Variants in SIPA1L3 observed in about 807,000 individuals in gnomAD.
SIPA1L3 encodes signal-induced proliferation-associated 1-like protein 3.
SIPA1L3 carries 59 observed loss-of-function variants against 150.1 expected under a neutral mutation model. The ratio of observed to expected loss-of-function variants is 0.39; its 90% confidence interval spans 0.32 to 0.49. The LOEUF (loss-of-function observed/expected upper bound fraction) is 0.49, where lower values mean the gene tolerates loss of function less well. SIPA1L3 is among the 20% of genes least tolerant of loss of function. The probability of loss-of-function intolerance (pLI) is 0.86; values close to 1 mark genes in which losing one functional copy is unlikely to be tolerated. For missense variants in SIPA1L3, 2,211 were observed against 2,489.5 expected, an observed-to-expected ratio of 0.89 and a Z score of 2.38; for synonymous variants, 1,070 against 1,077.6, an observed-to-expected ratio of 0.99 and a Z score of 0.14.
chr19:38,068,970 A>G (rs1008048254), intron 2 of SIPA1L3, among the ~76,000 whole-genome samples: 2 of 152,202 alleles, frequency 1.3e-5, no homozygotes, highest in African/African-American at 4.8e-5. Flanking sequence ...GCATCAGGAG[A>G]GCTCATCAGT....
At chr19:37,909,367 G>A (rs916163605) in intron 1 of SIPA1L3, among the ~76,000 whole-genome samples, 19 of 151,722 alleles carry the variant, frequency 1.3e-4, no homozygotes, top group Admixed American at 9.9e-4. Context: ...GCCACCACAC[G>A]TGGTTAGTTT....
At chr19:38,039,784 A>C (rs999713480) in intron 2 of SIPA1L3, among the ~76,000 whole-genome samples, 1 of 151,474 alleles carries the variant, frequency 6.6e-6, no homozygotes. Flanking sequence ...TGTATTTCCT[A>C]ATTGATTAAT....
intron 3 of SIPA1L3, among the ~76,000 whole-genome samples, chr19:38,084,615 T>TG (rs1467060514): frequency 1.3e-5 from 2 of 149,960 alleles, no homozygotes; most frequent in African/African-American, 4.9e-5. Context: ...TAGGTTTTTT[T>TG]TTGTTGTTTT....
At chr19:37,948,223 C>A (rs1247292284) in intron 1 of SIPA1L3, among the ~76,000 whole-genome samples, 3 of 152,154 alleles carry the variant, frequency 2.0e-5, no homozygotes, top group African/African-American at 7.2e-5. Context: ...GGGGAAAAAA[C>A]CTCACAGTGG....
intron 9 of SIPA1L3, among the ~76,000 whole-genome samples, chr19:38,124,461 G>A (rs1465886850): frequency 7.3e-5 from 11 of 150,678 alleles, no homozygotes; most frequent in African/African-American, 1.2e-4. Context: ...GGGAAGAGGC[G>A]CTCCTCACTT....
intron 1 of SIPA1L3, among the ~76,000 whole-genome samples, chr19:37,981,273 A>G (rs774416979): frequency 7.9e-5 from 12 of 152,102 alleles, no homozygotes; most frequent in Admixed American, 4.6e-4. Flanking sequence ...ACCTCTACAA[A>G]AAATGAGCCA....
chr19:37,931,292 G>A (rs558091239), intron 1 of SIPA1L3, among the ~76,000 whole-genome samples: 5 of 149,554 alleles, frequency 3.3e-5, no homozygotes, highest in Admixed American at 1.3e-4. Flanking sequence ...AGGGAGGATC[G>A]CTTGAAGCTA....
At chr19:37,911,672 C>T (rs991492419) in intron 1 of SIPA1L3, among the ~76,000 whole-genome samples, 20 of 151,762 alleles carry the variant, frequency 1.3e-4, no homozygotes, top group South Asian at 4.2e-4. Context: ...CCACCACGCC[C>T]GGCTAATTTT....
intron 1 of SIPA1L3, among the ~76,000 whole-genome samples, chr19:37,990,655 AG>A (rs1331255905): frequency 6.6e-6 from 1 of 152,206 alleles, no homozygotes; most frequent in Non-Finnish European, 1.5e-5. Flanking sequence ...GCAGCCCAGT[AG>A]GGTTCTTTGC....
intron 1 of SIPA1L3, among the ~76,000 whole-genome samples, chr19:37,936,330 C>T (rs1332320940): frequency 6.6e-6 from 1 of 152,156 alleles, no homozygotes; most frequent in Non-Finnish European, 1.5e-5. Flanking sequence ...ATCCAGACAG[C>T]CACAGAAGTG....
intron 9 of SIPA1L3, among the ~76,000 whole-genome samples, chr19:38,122,339 C>T (rs1971040541): frequency 6.6e-6 from 1 of 152,200 alleles, no homozygotes; most frequent in East Asian, 1.9e-4. Context: ...AGGTCGACTC[C>T]ATCCCTCCAT....
chr19:38,177,360 CAA>C (rs371696539), intron 15 of SIPA1L3, among the ~76,000 whole-genome samples: 10 of 121,458 alleles, frequency 8.2e-5, no homozygotes, highest in Admixed American at 1.7e-4. Flanking sequence ...GACTCCATCT[CAA>C]AAAAAAAAAA....
rs1331735892 is a variant in SIPA1L3, at chr19:38,047,309, C to T, written c.-311+18153C>T. Among the ~76,000 whole-genome samples the T allele has an allele frequency of 6.6e-6, 1 of 152,168 alleles. No homozygotes were observed. Among genetic ancestry groups the T allele is most frequent in the Admixed American group, 6.5e-5 (1 of 15,272 alleles). On this transcript the variant is annotated intron_variant, in intron 2 of 21. Transcript: ENST00000222345. The surrounding 1 kb of genome is among the most constrained non-coding windows in gnomAD (Gnocchi z 4.7). ...GTCATATCACCTGGTTTATTTTCTT[C>T]ATGGCACATATCACAGTGGATTTGT...
At chr19:38,040,770 G>A (rs1230716398) in intron 2 of SIPA1L3, among the ~76,000 whole-genome samples, 1 of 152,132 alleles carries the variant, frequency 6.6e-6, no homozygotes, top group Non-Finnish European at 1.5e-5. Context: ...TCCCTATCTT[G>A]CTTTTTTTGA....
chr19:38,168,930 G>C (rs1286355424), intron 15 of SIPA1L3, among the ~76,000 whole-genome samples: 1 of 152,120 alleles, frequency 6.6e-6, no homozygotes, highest in Non-Finnish European at 1.5e-5. Context: ...CCCAAAATGG[G>C]GTGCTTGAGG....
At chr19:38,123,893 G>A (rs1401342320) in intron 9 of SIPA1L3, among the ~76,000 whole-genome samples, 3 of 145,170 alleles carry the variant, frequency 2.1e-5, no homozygotes, top group South Asian at 2.2e-4. Flanking sequence ...CGGGCAGAGG[G>A]GCTCCTCACT....
intron 1 of SIPA1L3, among the ~76,000 whole-genome samples, chr19:37,987,423 G>C (rs557766584): frequency 1.3e-5 from 2 of 152,234 alleles, no homozygotes; most frequent in African/African-American, 4.8e-5. Flanking sequence ...CCTAGACCAG[G>C]GTTTGTGAAC....
chr19:38,025,303 G>T (rs980490308), intron 1 of SIPA1L3, among the ~76,000 whole-genome samples: 1 of 152,222 alleles, frequency 6.6e-6, no homozygotes, highest in Admixed American at 6.5e-5. Context: ...TATGTCACCT[G>T]TGTGATGAAT....
At chr19:38,174,237 C>T (rs998706057) in intron 15 of SIPA1L3, among the ~76,000 whole-genome samples, 9 of 152,286 alleles carry the variant, frequency 5.9e-5, no homozygotes, top group Middle Eastern at 6.8e-3. Flanking sequence ...CCTGAAGACC[C>T]GTCGCTTCTG....
Sources: allele counts gnomAD v4.1 joint callset (sites outside exome capture counted in the v4.1 genomes callset), GRCh38; gene constraint gnomAD v4.1.1; non-coding constraint Gnocchi (gnomAD v3.1); transcripts MANE v1.5; gene names NCBI Gene and HGNC (gene_info 2026-07-23, HGNC 2026-07-21).